GRIK5: variants seen among roughly 807,000 people sequenced by gnomAD.
The protein encoded by GRIK5 is glutamate receptor ionotropic, kainate 5.
In GRIK5, 43 loss-of-function variants were observed where a neutral mutation model predicts 97.4. The ratio of observed to expected loss-of-function variants is 0.44; its 90% CI spans 0.35 to 0.57. The LOEUF is 0.57. Ranked by LOEUF, GRIK5 falls within the 20% of genes least tolerant of loss-of-function variation. The probability of loss-of-function intolerance (pLI) is 0.01; values close to 1 mark genes in which losing one functional copy is unlikely to be tolerated. For missense variants in GRIK5, 1,015 were observed against 1,382.0 expected (o/e 0.73, Z 4.21); for synonymous variants, 580 against 583.5 (o/e 0.99, Z 0.09).
rs369454891 is a variant in GRIK5 at position 42,021,199 on chromosome 19, G to T, written c.1871+102C>A. 10 of 923,750 alleles carry T rather than the reference G, an allele frequency of 1.1e-5. No homozygotes were observed. In the African/African-American group the frequency reaches 1.7e-4, roughly 15 times the overall value. 57.2% of individuals were successfully genotyped at this position (923,750 alleles called of 1,614,324 possible). ...GTCACACAGCTCTGCAAGGGAAAAC[G>T]GGGAATCAAATCTTCCAGGAGATGC... On this transcript the variant is annotated intron_variant, in intron 15 of 19. Coordinates refer to ENST00000593562, the MANE Select transcript of GRIK5 (RefSeq NM_002088.5). This position sits in a 1 kb window ranked among gnomAD's most constrained non-coding sequence, Gnocchi z 4.2.
At chr19:42,038,867 C>T (rs569674152) in intron 12 of GRIK5, among the ~76,000 whole-genome samples, 5 of 152,340 alleles carry the variant, frequency 3.3e-5, no homozygotes, top group Admixed American at 1.3e-4. Context: ...GGCTATCCCA[C>T]AGCAGGGCAA....
chr19:42,021,178 C>G lies in GRIK5; in HGVS notation c.1871+123G>C. 12 of 792,110 alleles carry G rather than the reference C, an allele frequency of 1.5e-5. No homozygotes were observed. The highest frequency in any genetic ancestry group is 2.4e-5 in the Non-Finnish European group (12 of 507,942). 49.1% of individuals were successfully genotyped at this position (792,110 alleles called of 1,614,324 possible). A position where few individuals can be genotyped will look rare whatever the true frequency, so the allele number is the denominator to read the frequency against. On this transcript the variant is annotated intron_variant, in intron 15 of 19. Coordinates refer to ENST00000593562, the MANE Select transcript of GRIK5 (RefSeq NM_002088.5). This position sits in a 1 kb window ranked among gnomAD's most constrained non-coding sequence, Gnocchi z 4.2. Reference sequence around the variant, plus strand: ...GCTCTCCCCACCCCATTCCTCGTCACACAGCTCTGCAAGGGAAAACGGGGA... The same window carrying G: ...GCTCTCCCCACCCCATTCCTCGTCAGACAGCTCTGCAAGGGAAAACGGGGA...
In GRIK5 at chr19:42,042,677, T is replaced by A. The variant is rs2075993020; in HGVS notation, c.1348A>T (p.Met450Leu). The change falls in exon 12 of 20, where the codon ATG becomes TTG. Residue 450 changes from methionine (M) to leucine (L), a missense_variant. Met to Leu is a conservative substitution (Grantham distance 15, BLOSUM62 2). Coordinates refer to ENST00000593562, the MANE Select transcript of GRIK5 (RefSeq NM_002088.5). This position sits in a 1 kb window ranked among gnomAD's most constrained non-coding sequence, Gnocchi z 6.9. ...NERFEGFCVD[M>L]LRELAELLRF... ...AGCAGCTCGGCCAGCTCCCGCAGCA[T>A]GTCCACGCAGAAGCCCTCGAAGCGT... 1 of 1,613,614 alleles carries A rather than the reference T, an allele frequency of 6.2e-7. No individual in the cohort carries two copies. The highest frequency in any genetic ancestry group is 1.1e-5 in the South Asian group (1 of 91,078).
chr19:42,000,310 T>C lies in GRIK5; in HGVS notation c.2515-1011A>G, dbSNP rs1389142725. Among the ~76,000 whole-genome samples the C allele has an allele frequency of 2.0e-5, 3 of 152,162 alleles. No homozygotes were observed. In the East Asian group the frequency reaches 5.8e-4, roughly 29 times the overall value. ...AGCAGGGAGCTCATGGAGGAAGCTATGACAATAACCCGGGCAGGAGATAGG... is the reference window on the plus strand; with the variant it reads ...AGCAGGGAGCTCATGGAGGAAGCTACGACAATAACCCGGGCAGGAGATAGG... On this transcript the variant is annotated intron_variant, in intron 19 of 19. Transcript: ENST00000593562.
intron 5 of GRIK5, 152 bp from the exon 6 acceptor site, chr19:42,059,679 G>A (rs990397425): frequency 3.2e-6 from 2 of 625,556 alleles, no homozygotes; most frequent in Non-Finnish European, 5.4e-6. Flanking sequence ...TAATGGGCTT[G>A]GGGACCCAAA....
intron 12 of GRIK5, among the ~76,000 whole-genome samples, chr19:42,023,719 C>T (rs937003869): frequency 6.6e-6 from 1 of 152,234 alleles, no homozygotes; most frequent in Non-Finnish European, 1.5e-5. Flanking sequence ...AGGGGCTCTG[C>T]TCCCGAAACA....
At position 42,003,305 on chromosome 19, in the gene GRIK5, G is replaced by GGCCCCC; in HGVS notation, c.2514+26_2514+27insGGGGGC. ...TCAGCCCCTGGGGGTCCCTGTTCCT[G>GGCCCCC]CCCACCCCCACCCCCAGCCTCCTCA... is the stretch of plus-strand genomic sequence containing the variant. On this transcript the variant is annotated intron_variant, in intron 19 of 19. Transcript: ENST00000593562. The surrounding 1 kb of genome is among the most constrained non-coding windows in gnomAD (Gnocchi z 4.2). The GGCCCCC allele has an allele frequency of 3.4e-4, 521 of 1,540,302 alleles. No homozygotes were observed. The highest frequency in any genetic ancestry group is 4.1e-4 in the Non-Finnish European group (463 of 1,117,804).
chr19:42,055,683 T>C (rs1320546810), intron 8 of GRIK5, among the ~76,000 whole-genome samples: 1 of 149,694 alleles, frequency 6.7e-6, no homozygotes, highest in Non-Finnish European at 1.5e-5. Flanking sequence ...GTAGTTTACC[T>C]TTTTTTTTTC....
intron 1 of GRIK5, among the ~76,000 whole-genome samples, chr19:42,066,389 C>T (rs1408813771): frequency 1.3e-5 from 2 of 149,484 alleles, no homozygotes; most frequent in Non-Finnish European, 3.0e-5. Flanking sequence ...TAGGAAACTT[C>T]GGGAGAGATG....
At chr19:42,049,738 T>C (rs960089779) in intron 11 of GRIK5, among the ~76,000 whole-genome samples, 3 of 152,170 alleles carry the variant, frequency 2.0e-5, no homozygotes, top group African/African-American at 7.2e-5. Flanking sequence ...CATTTCTGTA[T>C]GTGTGTTACA....
At position 42,005,850 on chromosome 19, in the gene GRIK5, G is replaced by T; in HGVS notation, c.2136C>A (p.Val712=). The change falls in exon 17 of 20, where the codon GTC becomes GTA. Residue 712 remains valine, a synonymous_variant. Transcript: ENST00000593562. ...GCAGGAAGGCGTAGCGGGAGTTGAG[G>T]ACGCGGGCAATGCCCTCTTCTGTGC... ...VKSTEEGIAR[V]LNSRYAFLLE... is the part of the protein sequence containing the mutation. 6.2e-7 allele frequency: 1 copy of T among 1,612,794 alleles called. No individual in the cohort carries two copies. The highest frequency in any genetic ancestry group is 8.5e-7 in the Non-Finnish European group (1 of 1,178,812).
Position 41,998,839 on chromosome 19 carries a change from C to T in GRIK5, c.*32G>A. 7 of 1,092,210 alleles carry T rather than the reference C, an allele frequency of 6.4e-6. No individual in the cohort carries two copies. The South Asian group carries it at 3.1e-4, about 49-fold the overall frequency. The allele number at this position is 1,092,210 out of a possible 1,614,324, so 67.7% of individuals were successfully genotyped here. A position where few individuals can be genotyped will look rare whatever the true frequency, so the allele number is the denominator to read the frequency against. On this transcript the variant is annotated 3_prime_UTR_variant, in exon 20 of 20. Coordinates refer to ENST00000593562, the MANE Select transcript of GRIK5 (RefSeq NM_002088.5). ...CTGGGGCGGGCCCCGTCCCTTCGGT[C>T]AGTCCGGGCGCCCGCACAGCCCCGC...
At chr19:42,054,507 A>G (rs536575682) in intron 8 of GRIK5, 35 bp from the exon 9 acceptor site, 2 of 1,602,828 alleles carry the variant, frequency 1.2e-6, no homozygotes, top group Admixed American at 1.7e-5. Flanking sequence ...GGGATGGATA[A>G]GAGGCTGCCT....
At chr19:42,057,227 T>G (rs1272832810) in intron 6 of GRIK5, among the ~76,000 whole-genome samples, 4 of 152,088 alleles carry the variant, frequency 2.6e-5, no homozygotes, top group Non-Finnish European at 4.4e-5. Flanking sequence ...GACATTTTGC[T>G]AGAGGAGAGA....
chr19:42,003,845 A>T lies in GRIK5; in HGVS notation c.2264-162T>A, dbSNP rs2075454940. 2 of 667,412 alleles carry T rather than the reference A, an allele frequency of 3.0e-6. No individual in the cohort carries two copies. The highest frequency in any genetic ancestry group is 6.3e-5 in the Admixed American group (2 of 31,564). The allele number at this position is 667,412 out of a possible 1,614,324, so 41.3% of individuals were successfully genotyped here. A position where few individuals can be genotyped will look rare whatever the true frequency, so the allele number is the denominator to read the frequency against. On this transcript the variant is annotated intron_variant, in intron 17 of 19. Transcript: ENST00000593562. This position sits in a 1 kb window ranked among gnomAD's most constrained non-coding sequence, Gnocchi z 4.2. The stretch of plus-strand genomic sequence containing the variant: ...ACCCCCAGCCCAGTCTCCTCTCAAC[A>T]CAGCAGCCAGAGAGACAGTGTTAGG...
chr19:42,037,654 C>G (rs1310420458), intron 12 of GRIK5, among the ~76,000 whole-genome samples: 1 of 152,158 alleles, frequency 6.6e-6, no homozygotes, highest in Admixed American at 6.5e-5. Context: ...GGTGGCTACC[C>G]AGACTCTGTT....
chr19:42,036,486 C>G (rs1277229571), intron 12 of GRIK5, among the ~76,000 whole-genome samples: 1 of 152,122 alleles, frequency 6.6e-6, no homozygotes, highest in Non-Finnish European at 1.5e-5. Flanking sequence ...TCCTGAGTGG[C>G]TGGGACTACA....
chr19:42,007,191 T>C (rs1466311284), intron 15 of GRIK5, among the ~76,000 whole-genome samples: 2 of 149,930 alleles, frequency 1.3e-5, no homozygotes, highest in African/African-American at 4.9e-5. Context: ...ACCTTTGGGG[T>C]TCAAGTGATT....
chr19:42,024,175 A>G (rs990668172), intron 12 of GRIK5, among the ~76,000 whole-genome samples: 11 of 115,442 alleles, frequency 9.5e-5, no homozygotes, highest in Admixed American at 4.4e-4. Context: ...ACCCCACCTC[A>G]CTCCCACTCT....
Sources: gnomAD v4.1 joint callset for allele counts (sites outside exome capture counted in the v4.1 genomes callset) on GRCh38, gnomAD v4.1.1 for gene constraint, Gnocchi (gnomAD v3.1) non-coding constraint, MANE v1.5 for transcripts, NCBI Gene and HGNC (gene_info 2026-07-23, HGNC 2026-07-21) for gene names.